Variants in PDGFD observed in about 807,000 individuals in gnomAD.
PDGFD encodes the protein platelet-derived growth factor D.
Under a neutral mutation model 44.7 loss-of-function variants are expected in PDGFD, and 30 were observed. The observed-to-expected ratio is 0.67, with a 90% confidence interval of 0.50 to 0.91. The LOEUF is 0.91. PDGFD is among the 40% of genes least tolerant of loss of function. The probability of loss-of-function intolerance (pLI) is 0.00; values close to 1 mark genes in which losing one functional copy is unlikely to be tolerated. For missense variants in PDGFD, 445 were observed against 457.8 expected (o/e 0.97, Z 0.25); for synonymous variants, 173 against 168.4 (o/e 1.03, Z -0.21).
intron 1 of PDGFD, among the ~76,000 whole-genome samples, chr11:104,077,792 A>C (rs1428571539): frequency 6.6e-6 from 1 of 152,136 alleles, no homozygotes; most frequent in African/African-American, 2.4e-5. Flanking sequence ...ATTTTGTTCT[A>C]ATCAATCTAT....
chr11:103,960,788 C>G (rs7952727), intron 3 of PDGFD, among the ~76,000 whole-genome samples: 4,366 of 152,140 alleles, frequency 0.029, 196 homozygotes, highest in African/African-American at 0.1. Flanking sequence ...AGTCCAAGAC[C>G]GGAGTGCTGA....
chr11:104,084,865 T>C (rs1861106457), intron 1 of PDGFD, among the ~76,000 whole-genome samples: 1 of 126,050 alleles, frequency 7.9e-6, no homozygotes, highest in East Asian at 2.3e-4. Context: ...AAATATAATA[T>C]ATAAAAATAT....
At chr11:104,047,938 A>C (rs1260629056) in intron 1 of PDGFD, among the ~76,000 whole-genome samples, 1 of 152,138 alleles carries the variant, frequency 6.6e-6, no homozygotes, top group Non-Finnish European at 1.5e-5. Context: ...TATAGTACAT[A>C]GCTAATGTAA....
At chr11:104,090,490 G>A (rs1425268118) in intron 1 of PDGFD, among the ~76,000 whole-genome samples, 1 of 151,342 alleles carries the variant, frequency 6.6e-6, no homozygotes, top group African/African-American at 2.4e-5. Flanking sequence ...TCAGCCAGGT[G>A]CGGTGGTGGG....
chr11:104,013,503 T>A (rs908485007), intron 1 of PDGFD, among the ~76,000 whole-genome samples: 1 of 152,100 alleles, frequency 6.6e-6, no homozygotes, highest in Non-Finnish European at 1.5e-5. Flanking sequence ...ATGCTCCCTG[T>A]CCTGCAAGGG....
chr11:104,152,298 A>G (rs1349515429), intron 1 of PDGFD, among the ~76,000 whole-genome samples: 3 of 152,178 alleles, frequency 2.0e-5, no homozygotes, highest in Non-Finnish European at 4.4e-5. Flanking sequence ...AAATGTTTAC[A>G]AATCCTTTAA....
At chr11:103,948,828 G>A (rs11226085) in intron 3 of PDGFD, among the ~76,000 whole-genome samples, 5,973 of 151,970 alleles carry the variant, frequency 0.039, 381 homozygotes, top group African/African-American at 0.14. Context: ...AATTTCAGCT[G>A]ATTACTGAGA....
chr11:103,959,496 T>C (rs1444765862), intron 3 of PDGFD, among the ~76,000 whole-genome samples: 2 of 152,054 alleles, frequency 1.3e-5, no homozygotes, highest in African/African-American at 4.8e-5. Context: ...AAAGGGGAGA[T>C]TCGTATATTC....
chr11:104,141,407 T>A (rs994424022), intron 1 of PDGFD, among the ~76,000 whole-genome samples: 1 of 151,980 alleles, frequency 6.6e-6, no homozygotes, highest in Non-Finnish European at 1.5e-5. Context: ...TAATTTTTTT[T>A]TTTTTTTAGA....
chr11:104,127,419 A>T (rs1453087423), intron 1 of PDGFD, among the ~76,000 whole-genome samples: 1 of 152,148 alleles, frequency 6.6e-6, no homozygotes, highest in Non-Finnish European at 1.5e-5. Flanking sequence ...TATAGACACA[A>T]GGGGAAAAAG....
At position 103,911,571 on chromosome 11, in the gene PDGFD, C is replaced by T. The variant is rs186679113; in HGVS notation, c.988-1752G>A. 7.9e-4 allele frequency among the ~76,000 whole-genome samples: 120 copies of T among 152,226 alleles called. 1 individual carries two copies. The highest frequency in any genetic ancestry group is 2.8e-3 in the African/African-American group (117 of 41,540). On this transcript the variant is annotated intron_variant, in intron 6 of 6. Transcript: ENST00000393158. Reference sequence around the variant, plus strand: ...TTCCAAAAACCAGAACTCCTCTTCTCAACCAAAGGATCACAACTCCTCGCC... The same window carrying T: ...TTCCAAAAACCAGAACTCCTCTTCTTAACCAAAGGATCACAACTCCTCGCC...
intron 1 of PDGFD, among the ~76,000 whole-genome samples, chr11:104,064,860 A>G (rs1287424851): frequency 6.6e-6 from 1 of 152,244 alleles, no homozygotes; most frequent in African/African-American, 2.4e-5. Context: ...TACAGTCACC[A>G]GACTACTGTG....
intron 1 of PDGFD, among the ~76,000 whole-genome samples, chr11:104,045,677 T>A (rs1860429195): frequency 6.7e-6 from 1 of 148,248 alleles, no homozygotes; most frequent in Non-Finnish European, 1.5e-5. Flanking sequence ...TTGAGTTTTT[T>A]AAGAGAATAT....
At chr11:104,045,142 C>A (rs572591360) in intron 1 of PDGFD, among the ~76,000 whole-genome samples, 1 of 152,044 alleles carries the variant, frequency 6.6e-6, no homozygotes, top group Non-Finnish European at 1.5e-5. Flanking sequence ...GTGTTAGAAG[C>A]GGATTTTTAA....
intron 3 of PDGFD, among the ~76,000 whole-genome samples, chr11:103,983,273 A>G (rs1465202314): frequency 6.6e-6 from 1 of 151,740 alleles, no homozygotes. Context: ...CCACTCACCT[A>G]CAACTATCTG....
chr11:104,146,315 AAAG>A (rs1197353091), intron 1 of PDGFD, among the ~76,000 whole-genome samples: 20 of 152,314 alleles, frequency 1.3e-4, no homozygotes, highest in African/African-American at 4.8e-4. Context: ...AATGGTGAGA[AAAG>A]AAGTGTGTTC....
chr11:104,099,636 CAATAA>C (rs1861339897), intron 1 of PDGFD, among the ~76,000 whole-genome samples: 1 of 142,754 alleles, frequency 7.0e-6, no homozygotes, highest in African/African-American at 2.6e-5. Context: ...GTTTCAAAAA[CAATAA>C]TAATAATAAT....
At chr11:104,026,097 C>T (rs1217830995) in intron 1 of PDGFD, among the ~76,000 whole-genome samples, 1 of 152,178 alleles carries the variant, frequency 6.6e-6, no homozygotes, top group East Asian at 1.9e-4. Flanking sequence ...ATGGCTGTAA[C>T]ACTATCTTCT....
chr11:104,046,578 C>T (rs915221580), intron 1 of PDGFD, among the ~76,000 whole-genome samples: 1 of 147,218 alleles, frequency 6.8e-6, no homozygotes, highest in African/African-American at 2.5e-5. Context: ...AGCCTCACTG[C>T]ATAATGACTC....
Sources: gnomAD v4.1 joint callset for allele counts (sites outside exome capture counted in the v4.1 genomes callset) on GRCh38, gnomAD v4.1.1 for gene constraint, MANE v1.5 for transcripts, NCBI Gene and HGNC (gene_info 2026-07-23, HGNC 2026-07-21) for gene names.